CSMD1: variants seen among roughly 807,000 people sequenced by gnomAD.
The protein encoded by CSMD1 is CUB and Sushi multiple domains 1.
A neutral mutation model predicts 417.5 loss-of-function variants in CSMD1; 213 were observed. That is an observed-to-expected ratio of 0.51 (90% CI 0.46 to 0.57). CSMD1 has a LOEUF of 0.57. Among genes scored for constraint, CSMD1 ranks in the 20% least tolerant of loss-of-function variants. The pLI is 0.00. For synonymous variants in CSMD1, 2,862 were observed against 1,736.8 expected (o/e 1.65, Z -16.11); for missense variants, 6,923 against 4,529.7 (o/e 1.53, Z -15.17).
chr8:3,470,087 T>C (rs1235040771), intron 11 of CSMD1, among the ~76,000 whole-genome samples: 1 of 152,184 alleles, frequency 6.6e-6, no homozygotes, highest in Non-Finnish European at 1.5e-5. Flanking sequence ...ACTTAGACAA[T>C]TACCAACACC....
Position 4,267,831 on chromosome 8 carries a change from A to G in CSMD1, c.415+152122T>C, listed in dbSNP as rs538238800. Among the ~76,000 whole-genome samples the G allele has an allele frequency of 1.3e-3, 191 of 152,262 alleles. 1 individual carries two copies. Among genetic ancestry groups the G allele is most frequent in the Non-Finnish European group, 2.0e-3 (139 of 67,986 alleles). ...TGCAGGTGTGCAAAATATAAAGTGT[A>G]TATAATTTAGCTTGAATTATTGTCA... On this transcript the variant is annotated intron_variant, in intron 3 of 69. Transcript: ENST00000635120.
At chr8:3,494,854 G>T (rs574561794) in intron 10 of CSMD1, among the ~76,000 whole-genome samples, 26 of 152,288 alleles carry the variant, frequency 1.7e-4, no homozygotes, top group Admixed American at 1.3e-3. Context: ...GCGTAGAAAA[G>T]TATCAAATGC....
chr8:4,404,823 G>C (rs1328796299), intron 3 of CSMD1, among the ~76,000 whole-genome samples: 1 of 152,108 alleles, frequency 6.6e-6, no homozygotes, highest in Non-Finnish European at 1.5e-5. Context: ...CACAGTAAGT[G>C]AGGCAATAAC....
At chr8:4,440,463 C>A (rs775565168) in intron 2 of CSMD1, among the ~76,000 whole-genome samples, 1 of 151,942 alleles carries the variant, frequency 6.6e-6, no homozygotes, top group Admixed American at 6.6e-5. Flanking sequence ...TCTTGTTACT[C>A]ACAAAAAAAA....
intron 8 of CSMD1, among the ~76,000 whole-genome samples, chr8:3,591,453 T>A (rs562416855): frequency 1.3e-5 from 2 of 152,348 alleles, no homozygotes; most frequent in South Asian, 2.1e-4. Flanking sequence ...AGAGCATAAC[T>A]ATTTGAGAAC....
intron 3 of CSMD1, among the ~76,000 whole-genome samples, chr8:4,145,632 T>C (rs957184376): frequency 6.6e-6 from 1 of 150,922 alleles, no homozygotes; most frequent in African/African-American, 2.5e-5. Flanking sequence ...CAAGCGATCC[T>C]GCCCACTTGG....
chr8:4,011,438 C>T (rs929945823), intron 4 of CSMD1, among the ~76,000 whole-genome samples: 7 of 152,180 alleles, frequency 4.6e-5, no homozygotes, highest in Admixed American at 6.5e-5. Context: ...CACTGCAACA[C>T]GTCTCAAAGA....
intron 49 of CSMD1, among the ~76,000 whole-genome samples, chr8:3,075,999 C>A (rs550456841): frequency 2.0e-5 from 3 of 150,526 alleles, no homozygotes; most frequent in Non-Finnish European, 2.9e-5. Flanking sequence ...TGCAGTGAGC[C>A]GAGATCGCGC....
In CSMD1 at chr8:3,348,111, T is replaced by G; in HGVS notation, c.3355A>C (p.Asn1119His). 1.2e-6 allele frequency: 2 copies of G among 1,612,932 alleles called. No individual in the cohort carries two copies. Among genetic ancestry groups the G allele is most frequent in the East Asian group, 2.2e-5 (1 of 44,828 alleles). Residue 1119 changes from asparagine to histidine, a missense_variant, in exon 22 of 70, where the codon AAT (asparagine) becomes CAT (histidine). By Grantham distance (68) the Asn-to-His change is moderately conservative (BLOSUM62 1). Coordinates refer to ENST00000635120, the MANE Select transcript of CSMD1 (RefSeq NM_033225.6). The stretch of plus-strand genomic sequence containing the variant: ...TTATTATCATAATTGGATGGAAAAT[T>G]TGGAGACAGTAATGTTCCTTCATTT... ...KGNEGTLLSP[N>H]FPSNYDNNHE...
intron 1 of CSMD1, among the ~76,000 whole-genome samples, chr8:4,640,322 G>C (rs937598326): frequency 6.6e-6 from 1 of 152,188 alleles, no homozygotes; most frequent in Admixed American, 6.5e-5. Flanking sequence ...AGTTTTTAAA[G>C]TATCTATGCC....
At chr8:4,814,213 T>TGTGTGC (rs1554490627) in intron 1 of CSMD1, among the ~76,000 whole-genome samples, 11 of 151,174 alleles carry the variant, frequency 7.3e-5, no homozygotes, top group African/African-American at 1.2e-4. Flanking sequence ...TGTGTGTGTG[T>TGTGTGC]GTGTGCGTGT....
At chr8:3,022,361 A>G (rs950571207) in intron 51 of CSMD1, among the ~76,000 whole-genome samples, 79 of 152,006 alleles carry the variant, frequency 5.2e-4, no homozygotes, top group Non-Finnish European at 9.0e-4. Context: ...GCAATCCCAC[A>G]GCATCCGGAA....
chr8:4,018,500 G>A (rs770619880), intron 4 of CSMD1, among the ~76,000 whole-genome samples: 4 of 152,138 alleles, frequency 2.6e-5, no homozygotes, highest in Non-Finnish European at 5.9e-5. Context: ...AGGAAGGGGA[G>A]GCAGCCAAAG....
At chr8:4,055,118 G>A (rs1016328358) in intron 3 of CSMD1, among the ~76,000 whole-genome samples, 3 of 152,142 alleles carry the variant, frequency 2.0e-5, no homozygotes, top group African/African-American at 7.2e-5. Context: ...GCTTTGTGTA[G>A]TAGATGATAG....
intron 4 of CSMD1, among the ~76,000 whole-genome samples, chr8:4,020,524 G>A (rs1239085230): frequency 2.6e-5 from 4 of 152,166 alleles, no homozygotes; most frequent in Admixed American, 6.5e-5. Flanking sequence ...CTTTCTGGAT[G>A]GGTGAACATC....
chr8:3,485,538 C>CACACACACAAAG (rs376214281), intron 11 of CSMD1, among the ~76,000 whole-genome samples: 2 of 134,922 alleles, frequency 1.5e-5, no homozygotes, highest in African/African-American at 5.9e-5. Context: ...CACACACACA[C>CACACACACAAAG]AGAGAGAGAG....
At chr8:3,350,197 TGTG>T in intron 21 of CSMD1, among the ~76,000 whole-genome samples, 1 of 122,694 alleles carries the variant, frequency 8.2e-6, no homozygotes, top group African/African-American at 3.7e-5. Context: ...AACTTGTGTA[TGTG>T]TGTGTTATAA....
chr8:4,095,721 A>AT (rs1159762900), intron 3 of CSMD1, among the ~76,000 whole-genome samples: 2 of 152,206 alleles, frequency 1.3e-5, no homozygotes, highest in Admixed American at 1.3e-4. Context: ...CCGTACTTCA[A>AT]TTTGTTCAAG....
chr8:3,365,006 G>A (rs184563098), intron 20 of CSMD1, among the ~76,000 whole-genome samples: 36 of 152,270 alleles, frequency 2.4e-4, no homozygotes, highest in South Asian at 4.1e-4. Context: ...ACAGACTTGC[G>A]TCACTGCCAT....
Sources: gnomAD v4.1 joint callset for allele counts (sites outside exome capture counted in the v4.1 genomes callset) on GRCh38, gnomAD v4.1.1 for gene constraint, MANE v1.5 for transcripts, NCBI Gene and HGNC (gene_info 2026-07-23, HGNC 2026-07-21) for gene names.